Variants in CHCHD3 observed in about 807,000 individuals in gnomAD.
The protein encoded by CHCHD3 is coiled-coil-helix-coiled-coil-helix domain containing 3, also known as MICOS complex subunit MIC19.
In CHCHD3, 20 loss-of-function variants were observed where a neutral mutation model predicts 38.2. That is an observed-to-expected ratio of 0.52 (90% CI 0.37 to 0.76). CHCHD3 has a LOEUF of 0.76. Ranked by LOEUF, CHCHD3 falls within the 30% of genes least tolerant of loss-of-function variation. CHCHD3 has a pLI of 0.00. For missense variants in CHCHD3, 245 were observed against 279.2 expected (o/e 0.88, Z 0.87); for synonymous variants, 82 against 100.0 (o/e 0.82, Z 1.07).
At chr7:133,030,954 T>C (rs1163683708) in intron 2 of CHCHD3, among the ~76,000 whole-genome samples, 1 of 152,182 alleles carries the variant, frequency 6.6e-6, no homozygotes, top group East Asian at 1.9e-4. Flanking sequence ...TCCTAACAAA[T>C]TTTTGTTTGT....
At chr7:132,842,524 C>T (rs1042573390) in intron 5 of CHCHD3, among the ~76,000 whole-genome samples, 1 of 152,134 alleles carries the variant, frequency 6.6e-6, no homozygotes, top group East Asian at 1.9e-4. Context: ...CACTAATGTT[C>T]GTTTTCTGTT....
In CHCHD3 at chr7:132,875,074, G is replaced by A. The variant is rs553359289; in HGVS notation, c.453+10588C>T. Among the ~76,000 whole-genome samples, 6 of 152,166 alleles carry A rather than the reference G, an allele frequency of 3.9e-5. No individual in the cohort carries two copies. In the South Asian group the frequency reaches 1.0e-3, roughly 26 times the overall value. On this transcript the variant is annotated intron_variant, in intron 5 of 7. Coordinates refer to ENST00000262570, the MANE Select transcript of CHCHD3 (RefSeq NM_017812.4). Reference sequence around the variant, plus strand: ...CTAAGAAGGACTAAAAAAAATGTAGGTACTAGCATTATTCAGGGCACAGAA... The same window carrying A: ...CTAAGAAGGACTAAAAAAAATGTAGATACTAGCATTATTCAGGGCACAGAA...
intron 2 of CHCHD3, among the ~76,000 whole-genome samples, chr7:133,033,299 T>C (rs1027885219): frequency 2.6e-5 from 4 of 152,186 alleles, no homozygotes; most frequent in Non-Finnish European, 5.9e-5. Context: ...TTCAGCTCCA[T>C]GAATCTCTGA....
chr7:132,811,173 C>T (rs1048608066), intron 6 of CHCHD3, among the ~76,000 whole-genome samples: 2 of 152,226 alleles, frequency 1.3e-5, no homozygotes, highest in Admixed American at 1.3e-4. Flanking sequence ...GGAAGAGTGT[C>T]TCTCTCATCC....
intron 1 of CHCHD3, among the ~76,000 whole-genome samples, chr7:133,073,506 A>T (rs933208078): frequency 1.3e-5 from 2 of 151,994 alleles, no homozygotes; most frequent in Non-Finnish European, 2.9e-5. Flanking sequence ...TCCAAAATTG[A>T]TCTCACGTTT....
At chr7:133,037,354 T>A (rs1449595838) in intron 2 of CHCHD3, among the ~76,000 whole-genome samples, 1 of 151,938 alleles carries the variant, frequency 6.6e-6, no homozygotes, top group Non-Finnish European at 1.5e-5. Context: ...CCAAAAACAG[T>A]GAAATGGTCA....
chr7:132,876,784 T>C (rs1016401180), intron 5 of CHCHD3, among the ~76,000 whole-genome samples: 5 of 152,190 alleles, frequency 3.3e-5, no homozygotes, highest in African/African-American at 4.8e-5. Context: ...TTGGTACAAG[T>C]ATTTCCTACC....
chr7:133,022,121 T>A (rs1178721738), intron 3 of CHCHD3, among the ~76,000 whole-genome samples: 1 of 151,742 alleles, frequency 6.6e-6, no homozygotes, highest in Non-Finnish European at 1.5e-5. Flanking sequence ...AAATTTCCAT[T>A]TAAAAAGGGT....
intron 7 of CHCHD3, among the ~76,000 whole-genome samples, chr7:132,794,269 C>A (rs1396754137): frequency 6.6e-6 from 1 of 152,202 alleles, no homozygotes; most frequent in Admixed American, 6.5e-5. Flanking sequence ...CACTCAAAAA[C>A]CAAATGCCAC....
At chr7:132,987,426 T>C (rs1354126295) in intron 3 of CHCHD3, among the ~76,000 whole-genome samples, 1 of 152,136 alleles carries the variant, frequency 6.6e-6, no homozygotes, top group Admixed American at 6.5e-5. Flanking sequence ...AAAGAGATTG[T>C]GAATATAACC....
At chr7:132,988,235 G>A (rs992599186) in intron 3 of CHCHD3, among the ~76,000 whole-genome samples, 2 of 151,854 alleles carry the variant, frequency 1.3e-5, no homozygotes, top group Non-Finnish European at 1.5e-5. Flanking sequence ...GAGAGGTATA[G>A]CCAGAATTAA....
chr7:132,902,425 C>A (rs1041219375), intron 4 of CHCHD3, among the ~76,000 whole-genome samples: 1 of 152,198 alleles, frequency 6.6e-6, no homozygotes, highest in Non-Finnish European at 1.5e-5. Context: ...ACCCAAATGT[C>A]CATCAATGAT....
At chr7:132,834,338 A>G (rs1807722957) in intron 6 of CHCHD3, among the ~76,000 whole-genome samples, 1 of 152,144 alleles carries the variant, frequency 6.6e-6, no homozygotes, top group South Asian at 2.1e-4. Context: ...CATTCTAGGA[A>G]GCTCAGCCTA....
intron 5 of CHCHD3, among the ~76,000 whole-genome samples, chr7:132,857,788 G>A (rs960854982): frequency 6.6e-6 from 1 of 152,116 alleles, no homozygotes; most frequent in African/African-American, 2.4e-5. Context: ...TGTGACCTTG[G>A]GCAAGCCACT....
intron 4 of CHCHD3, among the ~76,000 whole-genome samples, chr7:132,943,179 T>C (rs1244320613): frequency 6.6e-6 from 1 of 152,142 alleles, no homozygotes; most frequent in African/African-American, 2.4e-5. Flanking sequence ...GGTATCTAAA[T>C]GCACAAAGAA....
At chr7:132,895,582 G>A (rs1044981491) in intron 4 of CHCHD3, among the ~76,000 whole-genome samples, 14 of 152,250 alleles carry the variant, frequency 9.2e-5, no homozygotes, top group African/African-American at 2.2e-4. Context: ...GACCCACTGG[G>A]AAGTAACTGA....
In CHCHD3 at chr7:133,081,906, G is replaced by A. The variant is rs762774515; in HGVS notation, c.32C>T (p.Thr11Ile). MGGTTSTRRV[T>I]FEADENENIT... is the part of the protein sequence containing the mutation. The stretch of plus-strand genomic sequence containing the variant: ...GTTCTCATTCTCGTCCGCCTCGAAG[G>A]TGACCCGGCGGGTGCTGGTGGTCCC... The change falls in exon 1 of 8, where the codon ACC (threonine) becomes ATC (isoleucine). Residue 11 changes from threonine (T) to isoleucine (I), a missense_variant. Coordinates refer to ENST00000262570, the MANE Select transcript of CHCHD3 (RefSeq NM_017812.4). 6.4e-7 allele frequency: 1 copy of A among 1,559,436 alleles called. No homozygotes were observed. The highest frequency in any genetic ancestry group is 1.2e-5 in the South Asian group (1 of 84,574).
intron 5 of CHCHD3, among the ~76,000 whole-genome samples, chr7:132,853,360 G>A (rs1808264787): frequency 6.6e-6 from 1 of 152,028 alleles, no homozygotes; most frequent in Non-Finnish European, 1.5e-5. Context: ...AAGAACTACG[G>A]TGTAATCCCA....
chr7:132,981,902 T>C (rs1279248986), intron 3 of CHCHD3, among the ~76,000 whole-genome samples: 1 of 152,176 alleles, frequency 6.6e-6, no homozygotes, highest in Non-Finnish European at 1.5e-5. Context: ...TACAAGATAC[T>C]GCAATGCACT....
Sources: allele counts gnomAD v4.1 joint callset (sites outside exome capture counted in the v4.1 genomes callset), GRCh38; gene constraint gnomAD v4.1.1; transcripts MANE v1.5; gene names NCBI Gene and HGNC (gene_info 2026-07-23, HGNC 2026-07-21).